GPR174: variants seen among roughly 807,000 people sequenced by gnomAD.
GPR174 encodes the protein probable G protein-coupled receptor 174.
A neutral mutation model predicts 16.5 loss-of-function variants in GPR174; 8 were observed. That is an observed-to-expected ratio of 0.48 (90% CI 0.28 to 0.87). The LOEUF is 0.87. GPR174 is among the 40% of genes least tolerant of loss of function. The probability of loss-of-function intolerance (pLI) is 0.09; values close to 1 mark genes in which losing one functional copy is unlikely to be tolerated. For missense variants in GPR174, 214 were observed against 247.5 expected (o/e 0.86, Z 0.91); for synonymous variants, 111 against 94.8 (o/e 1.17, Z -0.99).
intron 2 of GPR174, among the ~76,000 whole-genome samples, 164 bp from the exon 3 acceptor site, chrX:79,170,288 T>C (rs1446621796): frequency 9.0e-6 from 1 of 111,657 alleles, no homozygotes; most frequent in South Asian, 3.7e-4. Flanking sequence ...TTTCAAGCTA[T>C]GTTTTTCTGT....
chrX:79,170,492 C>A lies in GPR174; in HGVS notation c.-516C>A, dbSNP rs1921484431. 1 of 109,456 alleles carries A rather than the reference C, an allele frequency of 9.1e-6. No homozygotes were observed. The highest frequency in any genetic ancestry group is 9.8e-5 in the Admixed American group (1 of 10,192). 9.0% of individuals were successfully genotyped at this position (109,456 alleles called of 1,213,427 possible). A position where few individuals can be genotyped will look rare whatever the true frequency, so the allele number is the denominator to read the frequency against. On this transcript the variant is annotated 5_prime_UTR_variant, in exon 3 of 3. It adds an upstream start codon to the 5' untranslated region. Coordinates refer to ENST00000645147, the MANE Select transcript of GPR174 (RefSeq NM_032553.3). ...CTACTTTTTAGCTTTTGACCTATAG[C>A]TGAAAAAGTCCCAGAAAGCTGATCT... is the stretch of plus-strand genomic sequence containing the variant.
chrX:79,155,874 T>C (rs1921084758), intron 1 of GPR174, among the ~76,000 whole-genome samples: 1 of 111,885 alleles, frequency 8.9e-6, no homozygotes, highest in South Asian at 3.7e-4. Context: ...TCCCTCTGTC[T>C]TTCCTGCCTT....
At chrX:79,167,801 C>T (rs1330417147) in intron 2 of GPR174, among the ~76,000 whole-genome samples, 2 of 111,926 alleles carry the variant, frequency 1.8e-5, no homozygotes, top group Admixed American at 9.4e-5. Flanking sequence ...GGCAAAAAGG[C>T]AATGTTCACA....
At chrX:79,147,188 G>A (rs921390977) in intron 1 of GPR174, among the ~76,000 whole-genome samples, 1 of 111,095 alleles carries the variant, frequency 9.0e-6, no homozygotes, top group Admixed American at 9.5e-5. Flanking sequence ...AATGAGACTC[G>A]TAGAGGTGAA....
chrX:79,167,962 TA>T (rs1921416730), intron 2 of GPR174, among the ~76,000 whole-genome samples: 1 of 111,824 alleles, frequency 8.9e-6, no homozygotes. Context: ...TTTATTTATT[TA>T]AAAAAAGTGA....
At chrX:79,158,155 C>T (rs1921143748) in intron 2 of GPR174, among the ~76,000 whole-genome samples, 1 of 102,985 alleles carries the variant, frequency 9.7e-6, no homozygotes, top group Non-Finnish European at 2.0e-5. Context: ...AAATTAAAGC[C>T]ACCCCATTTG....
chrX:79,150,468 A>T (rs1926579715), intron 1 of GPR174, among the ~76,000 whole-genome samples: 1 of 111,891 alleles, frequency 8.9e-6, no homozygotes, highest in Admixed American at 9.5e-5. Flanking sequence ...TGCTTTGAAA[A>T]TTTTAAATTT....
In GPR174 at chrX:79,171,328, C is replaced by T. The variant is rs765252829; in HGVS notation, c.321C>T (p.Tyr107=). 1 of 1,211,417 alleles carries T rather than the reference C, an allele frequency of 8.3e-7. No individual in the cohort carries two copies. The highest frequency in any genetic ancestry group is 1.1e-6 in the Non-Finnish European group (1 of 895,148). The stretch of plus-strand genomic sequence containing the variant: ...ATGTCAACATGTATGCAAGCATCTA[C>T]TTCTTGGTCTGCATCAGTGTGCGAC... ...LKYVNMYASI[Y]FLVCISVRRF... is the part of the protein sequence containing the mutation. The change falls in exon 3 of 3, where the codon TAC becomes TAT. Residue 107 remains tyrosine, a synonymous_variant. Transcript: ENST00000645147.
At chrX:79,149,886 T>C (rs761167740) in intron 1 of GPR174, among the ~76,000 whole-genome samples, 1 of 104,991 alleles carries the variant, frequency 9.5e-6, no homozygotes, top group African/African-American at 3.5e-5. Flanking sequence ...TTCTGTAACC[T>C]GCAGAGAGAA....
At chrX:79,164,991 T>C (rs1921323062) in intron 2 of GPR174, among the ~76,000 whole-genome samples, 1 of 111,780 alleles carries the variant, frequency 8.9e-6, no homozygotes. Flanking sequence ...ACATAAAATG[T>C]TTCATGGGCA....
chrX:79,172,093 C>T lies in GPR174; in HGVS notation c.*84C>T. ...TACCCAAGCCACAGGGAAGAACTTG[C>T]AAAACAACACAGCTTTTCAGTTCTG... On this transcript the variant is annotated 3_prime_UTR_variant, in exon 3 of 3. Coordinates refer to ENST00000645147, the MANE Select transcript of GPR174 (RefSeq NM_032553.3). The T allele has an allele frequency of 1.1e-6, 1 of 945,091 alleles. No individual in the cohort carries two copies. Among genetic ancestry groups the T allele is most frequent in the Non-Finnish European group, 1.5e-6 (1 of 687,659 alleles). 77.9% of individuals were successfully genotyped at this position (945,091 alleles called of 1,213,427 possible).
chrX:79,148,806 C>G (rs762502539), intron 1 of GPR174, among the ~76,000 whole-genome samples: 90 of 112,034 alleles, frequency 8.0e-4, no homozygotes, highest in African/African-American at 2.7e-3. Flanking sequence ...CTGCACTTGG[C>G]CCCAATGACA....
chrX:79,169,330 T>C (rs745582526), intron 2 of GPR174, among the ~76,000 whole-genome samples: 11 of 111,728 alleles, frequency 9.8e-5, no homozygotes, highest in Non-Finnish European at 1.7e-4. Flanking sequence ...CAAAGAAAAG[T>C]GGTATTATTT....
At chrX:79,156,081 C>A (rs1455183857) in intron 1 of GPR174, among the ~76,000 whole-genome samples, 1 of 112,026 alleles carries the variant, frequency 8.9e-6, no homozygotes, top group African/African-American at 3.2e-5. Context: ...AGTTAATAGG[C>A]TAATATGTAA....
At position 79,153,806 on chromosome X, in the gene GPR174, A is replaced by C. The variant is rs1441093251; in HGVS notation, c.-653-3016A>C. Among the ~76,000 whole-genome samples, 13 of 111,520 alleles carry C rather than the reference A, an allele frequency of 1.2e-4. No individual in the cohort carries two copies. In the Admixed American group the frequency reaches 1.2e-3, roughly 11 times the overall value. ...AAGTGTGATGTGAGGAAATGAACAA[A>C]GGCCTTTTGAATTAAAACTTAGGTT... On this transcript the variant is annotated intron_variant, in intron 1 of 2. Coordinates refer to ENST00000645147, the MANE Select transcript of GPR174 (RefSeq NM_032553.3).
chrX:79,149,419 C>G (rs758959675), intron 1 of GPR174, among the ~76,000 whole-genome samples: 2 of 111,923 alleles, frequency 1.8e-5, no homozygotes, highest in South Asian at 7.3e-4. Flanking sequence ...CTTCATAAAA[C>G]TAACTCAATT....
chrX:79,161,595 T>C (rs763756573), intron 2 of GPR174, among the ~76,000 whole-genome samples: 10 of 111,888 alleles, frequency 8.9e-5, no homozygotes, highest in Non-Finnish European at 1.3e-4. Context: ...GGGCCACTGG[T>C]GTTCAGGAGT....
rs769967194 is a variant in GPR174 at position 79,171,631 on chromosome X, G to T, written c.624G>T (p.Thr208=). The change falls in exon 3 of 3, where the codon ACG becomes ACT. Residue 208 remains threonine (T), a synonymous_variant. Transcript: ENST00000645147. ...TTGTCCTATATTGTACCTGGAAGAC[G>T]GTTTTATCACTGCAAGATAAATATC... ...LLIVLYCTWK[T]VLSLQDKYPM... is the part of the protein sequence containing the mutation. 8.3e-7 allele frequency: 1 copy of T among 1,209,207 alleles called. No homozygotes were observed. Among genetic ancestry groups the T allele is most frequent in the Non-Finnish European group, 1.1e-6 (1 of 895,081 alleles).
intron 1 of GPR174, among the ~76,000 whole-genome samples, chrX:79,152,172 G>A (rs138288442): frequency 0.014 from 1,593 of 111,484 alleles, 30 homozygotes; most frequent in African/African-American, 0.049. Context: ...TGCAACAATA[G>A]ATTAATTTAT....
Sources: gnomAD v4.1 joint callset for allele counts (sites outside exome capture counted in the v4.1 genomes callset) on GRCh38, gnomAD v4.1.1 for gene constraint, MANE v1.5 for transcripts, NCBI Gene and HGNC (gene_info 2026-07-23, HGNC 2026-07-21) for gene names.